Variants in ADAMTS12 observed in about 807,000 individuals in gnomAD.
ADAMTS12 encodes the protein A disintegrin and metalloproteinase with thrombospondin motifs 12.
ADAMTS12 carries 118 observed loss-of-function variants against 167.8 expected under a neutral mutation model. That is an observed-to-expected ratio of 0.70 (90% CI 0.61 to 0.82). The LOEUF (loss-of-function observed/expected upper bound fraction) is 0.82. ADAMTS12 is among the 40% of genes least tolerant of loss of function. The pLI, the probability that ADAMTS12 is intolerant of heterozygous loss-of-function variation, is 0.00. For synonymous variants in ADAMTS12, 704 were observed against 716.9 expected, an observed-to-expected ratio of 0.98 and a Z score of 0.29; for missense variants, 1,916 against 1,998.8, an observed-to-expected ratio of 0.96 and a Z score of 0.79.
intron 16 of ADAMTS12, among the ~76,000 whole-genome samples, chr5:33,597,718 A>G (rs886393991): frequency 6.6e-6 from 1 of 152,174 alleles, no homozygotes; most frequent in African/African-American, 2.4e-5. Context: ...TTTTCAAGAG[A>G]CAAGTAAACC....
In ADAMTS12 at chr5:33,527,275, C is replaced by T. The variant is rs1743867313; in HGVS notation, c.4698G>A (p.Glu1566=). The change falls in exon 24 of 24, where the codon GAG becomes GAA. Residue 1566 remains glutamate, a synonymous_variant. Transcript: ENST00000504830. ...GTGTCTGGGGACACGAGAAGCAGCA[C>T]TCAGCCCTCACGGTGGGCACAGAAC... ...KKCSVPTVRA[E]CCFSCPQTHI... is the part of the protein sequence containing the mutation. 2.5e-6 allele frequency: 4 copies of T among 1,614,118 alleles called. No individual in the cohort carries two copies. The highest frequency in any genetic ancestry group is 2.7e-5 in the African/African-American group (2 of 75,016).
intron 2 of ADAMTS12, among the ~76,000 whole-genome samples, chr5:33,874,174 A>T (rs957703892): frequency 2.0e-5 from 3 of 152,232 alleles, no homozygotes; most frequent in Non-Finnish European, 2.9e-5. Context: ...TGCAAAAGAC[A>T]TCTGATAAAT....
chr5:33,875,710 T>G (rs982090060), intron 2 of ADAMTS12, among the ~76,000 whole-genome samples: 1 of 152,138 alleles, frequency 6.6e-6, no homozygotes, highest in Non-Finnish European at 1.5e-5. Flanking sequence ...GTATACCCAA[T>G]GATAAAAGTC....
Position 33,630,784 on chromosome 5 carries a change from C to T in ADAMTS12, c.2018G>A (p.Cys673Tyr). 6.2e-7 allele frequency: 1 copy of T among 1,612,558 alleles called. No individual in the cohort carries two copies. The highest frequency in any genetic ancestry group is 8.5e-7 in the Non-Finnish European group (1 of 1,178,796). Residue 673 changes from cysteine to tyrosine, a missense_variant, in exon 13 of 24, where the codon TGT (cysteine) becomes TAT (tyrosine). Physicochemically the swap from Cys to Tyr is radical, Grantham distance 194. Transcript: ENST00000504830. ...TTAAGGAAACATACCCAATACCTTA[C>T]ATATGCCATTAATACAGACATTTCT... is the stretch of plus-strand genomic sequence containing the variant. ...NSRNVCINGI[C>Y]KMVGCDYEID...
intron 13 of ADAMTS12, 39 bp from the exon 14 acceptor site, chr5:33,624,390 G>C (rs1201896209): frequency 1.2e-6 from 2 of 1,612,792 alleles, no homozygotes; most frequent in Admixed American, 3.3e-5. Flanking sequence ...GCCCAGGCAG[G>C]GGATGCCACT....
At chr5:33,836,325 C>T (rs1748527050) in intron 2 of ADAMTS12, among the ~76,000 whole-genome samples, 1 of 152,134 alleles carries the variant, frequency 6.6e-6, no homozygotes, top group Admixed American at 6.5e-5. Context: ...GCTCATCAGG[C>T]TGGACGAGCC....
intron 5 of ADAMTS12, among the ~76,000 whole-genome samples, chr5:33,671,840 TCA>T (rs1741704302): frequency 7.2e-6 from 1 of 139,316 alleles, no homozygotes; most frequent in Non-Finnish European, 1.6e-5. Flanking sequence ...ACCCACACAC[TCA>T]CATACACACA....
chr5:33,758,976 A>C (rs184005806), intron 2 of ADAMTS12, among the ~76,000 whole-genome samples: 1 of 152,242 alleles, frequency 6.6e-6, no homozygotes, highest in African/African-American at 2.4e-5. Context: ...CACAAAACAG[A>C]TCAGATGATA....
intron 13 of ADAMTS12, among the ~76,000 whole-genome samples, chr5:33,628,240 T>A (rs4242077): frequency 0.35 from 53,052 of 151,938 alleles, 10,371 homozygotes; most frequent in African/African-American, 0.54. Flanking sequence ...GCTGGAAGGT[T>A]AGCGAGCTGG....
At chr5:33,589,178 G>C (rs1747517818) in intron 17 of ADAMTS12, among the ~76,000 whole-genome samples, 1 of 152,152 alleles carries the variant, frequency 6.6e-6, no homozygotes, top group Non-Finnish European at 1.5e-5. Context: ...TTCTTTATAT[G>C]AGTGTTGTGT....
intron 2 of ADAMTS12, among the ~76,000 whole-genome samples, chr5:33,859,139 T>C (rs1749513729): frequency 6.6e-6 from 1 of 152,182 alleles, no homozygotes; most frequent in South Asian, 2.1e-4. Context: ...CAGTGGCACC[T>C]GGAATGCCAG....
chr5:33,758,947 GA>G (rs1356114947), intron 2 of ADAMTS12, among the ~76,000 whole-genome samples: 1 of 152,246 alleles, frequency 6.6e-6, no homozygotes, highest in East Asian at 1.9e-4. Flanking sequence ...TCTCTAGGGA[GA>G]GGCCTGCCCT....
intron 2 of ADAMTS12, among the ~76,000 whole-genome samples, chr5:33,779,191 T>A (rs2112438389): frequency 6.7e-6 from 1 of 148,988 alleles, no homozygotes; most frequent in Admixed American, 6.7e-5. Flanking sequence ...AGTATTTTTT[T>A]TTTTTTTTTT....
At chr5:33,574,181 C>G (rs1746542818) in intron 19 of ADAMTS12, among the ~76,000 whole-genome samples, 3 of 150,774 alleles carry the variant, frequency 2.0e-5, no homozygotes, top group South Asian at 2.1e-4. Context: ...TTGTGGAAGT[C>G]AGTGTGGCGA....
At position 33,751,534 on chromosome 5, in the gene ADAMTS12, T is replaced by C. The variant is rs755596832; in HGVS notation, c.504A>G (p.Gln168=). Residue 168 remains glutamine (Q), a synonymous_variant, in exon 3 of 24, where the codon CAA becomes CAG. Transcript: ENST00000504830. ...SACHGLTGFF[Q]LPHGDFFIEP... ...CAATGAAAAAGTCTCCATGTGGTAG[T>C]TGGAAAAATCCAGTCTGTAAATACA... is the stretch of plus-strand genomic sequence containing the variant. The C allele has an allele frequency of 1.9e-5, 30 of 1,613,798 alleles. No individual in the cohort carries two copies. The highest frequency in any genetic ancestry group is 6.7e-5 in the East Asian group (3 of 44,888).
At chr5:33,640,957 G>T (rs529291798) in intron 11 of ADAMTS12, among the ~76,000 whole-genome samples, 1 of 151,580 alleles carries the variant, frequency 6.6e-6, no homozygotes, top group Admixed American at 6.6e-5. Context: ...GAGATATTGA[G>T]AGATAAAATC....
intron 7 of ADAMTS12, among the ~76,000 whole-genome samples, chr5:33,653,247 T>C (rs961880578): frequency 2.0e-5 from 3 of 152,140 alleles, no homozygotes; most frequent in East Asian, 1.9e-4. Context: ...TCAAATGTTT[T>C]ATCTACTAAA....
intron 5 of ADAMTS12, among the ~76,000 whole-genome samples, chr5:33,672,782 A>G (rs948618174): frequency 1.3e-5 from 2 of 152,214 alleles, no homozygotes; most frequent in Non-Finnish European, 2.9e-5. Context: ...CAGATGTTGC[A>G]TTCCAAATGC....
At chr5:33,643,321 C>G (rs550429753) in intron 10 of ADAMTS12, 57 bp downstream of exon 10, 2 of 1,576,388 alleles carry the variant, frequency 1.3e-6, no homozygotes, top group East Asian at 2.2e-5. Flanking sequence ...CTCCTCAGCT[C>G]CTCCCAAGAA....
Sources: gnomAD v4.1 joint callset for allele counts (sites outside exome capture counted in the v4.1 genomes callset) on GRCh38, gnomAD v4.1.1 for gene constraint, MANE v1.5 for transcripts, NCBI Gene and HGNC (gene_info 2026-07-23, HGNC 2026-07-21) for gene names.